The following LPP variants were observed in gnomAD, a reference collection of about 807,000 sequenced individuals.
LPP encodes the protein lipoma-preferred partner.
A neutral mutation model predicts 60.4 loss-of-function variants in LPP; 38 were observed. That is an observed-to-expected ratio of 0.63 (90% CI 0.49 to 0.83). The LOEUF is 0.83. Among genes scored for constraint, LPP ranks in the 40% least tolerant of loss-of-function variants. The pLI is 0.00. For missense variants in LPP, 902 were observed against 783.6 expected (o/e 1.15, Z -1.80); for synonymous variants, 328 against 290.8 (o/e 1.13, Z -1.30).
intron 7 of LPP, among the ~76,000 whole-genome samples, chr3:188,697,502 T>C (rs536165619): frequency 5.3e-5 from 8 of 152,342 alleles, no homozygotes; most frequent in African/African-American, 1.9e-4. Context: ...AGTGTTTTTA[T>C]GCATATCAGA....
At chr3:188,525,824 A>G (rs1272006352) in intron 6 of LPP, among the ~76,000 whole-genome samples, 1 of 152,178 alleles carries the variant, frequency 6.6e-6, no homozygotes, top group Non-Finnish European at 1.5e-5. Flanking sequence ...TGATGGTTGC[A>G]ATTAATCTGT....
intron 9 of LPP, among the ~76,000 whole-genome samples, chr3:188,863,334 C>G (rs373706189): frequency 6.6e-6 from 1 of 152,126 alleles, no homozygotes; most frequent in African/African-American, 2.4e-5. Context: ...CACCTAGCAA[C>G]TTTCCTTTTT....
chr3:188,205,971 T>G (rs1293913238), intron 1 of LPP, among the ~76,000 whole-genome samples: 1 of 152,152 alleles, frequency 6.6e-6, no homozygotes, highest in Non-Finnish European at 1.5e-5. Context: ...TGCTGCTACA[T>G]ATAAAAGTTA....
chr3:188,656,261 G>T (rs1232602797), intron 7 of LPP, among the ~76,000 whole-genome samples: 1 of 151,420 alleles, frequency 6.6e-6, no homozygotes, highest in African/African-American at 2.4e-5. Flanking sequence ...GCGCTCCCAG[G>T]TGCTGCCAGG....
At chr3:188,515,910 C>T (rs543674923) in intron 5 of LPP, among the ~76,000 whole-genome samples, 1 of 145,874 alleles carries the variant, frequency 6.9e-6, no homozygotes, top group African/African-American at 2.4e-5. Flanking sequence ...GGCAAAAGTG[C>T]AAGTGATATT....
chr3:188,775,501 T>G (rs1737456991), intron 9 of LPP, among the ~76,000 whole-genome samples: 1 of 152,204 alleles, frequency 6.6e-6, no homozygotes, highest in Non-Finnish European at 1.5e-5. Flanking sequence ...CTAGATGTCA[T>G]CTCATTTTGA....
intron 8 of LPP, among the ~76,000 whole-genome samples, chr3:188,745,203 A>C (rs1283557136): frequency 6.6e-6 from 1 of 152,044 alleles, no homozygotes; most frequent in African/African-American, 2.4e-5. Context: ...ATAGATGTCC[A>C]TTTGTTCTAG....
At chr3:188,835,735 C>G (rs1758292917) in intron 9 of LPP, among the ~76,000 whole-genome samples, 1 of 152,180 alleles carries the variant, frequency 6.6e-6, no homozygotes, top group South Asian at 2.1e-4. Flanking sequence ...TACGATGTGA[C>G]AAGTCTCTAC....
intron 4 of LPP, among the ~76,000 whole-genome samples, chr3:188,431,328 T>C (rs892444314): frequency 6.6e-6 from 1 of 151,986 alleles, no homozygotes; most frequent in East Asian, 1.9e-4. Context: ...CACCGAGGGA[T>C]TGGAAGGATG....
chr3:188,649,176 G>A (rs1187965778), intron 7 of LPP, among the ~76,000 whole-genome samples: 5 of 152,134 alleles, frequency 3.3e-5, no homozygotes, highest in Non-Finnish European at 7.3e-5. Flanking sequence ...ATAGTGAGAA[G>A]CTAATTAGTT....
At chr3:188,386,522 A>G (rs943766952) in intron 3 of LPP, among the ~76,000 whole-genome samples, 1 of 152,224 alleles carries the variant, frequency 6.6e-6, no homozygotes, top group African/African-American at 2.4e-5. Context: ...GTATGCAGGT[A>G]TATAAACCTC....
chr3:188,562,617 C>T (rs1312064070), intron 6 of LPP, among the ~76,000 whole-genome samples: 1 of 152,010 alleles, frequency 6.6e-6, no homozygotes, highest in Middle Eastern at 3.2e-3. Context: ...CCAGATGGAT[C>T]TTCTCCTTGA....
At chr3:188,534,291 A>G (rs1879799) in intron 6 of LPP, among the ~76,000 whole-genome samples, 151,479 of 152,358 alleles carry the variant, frequency 0.99, 75,307 homozygotes, top group Middle Eastern at 1. Flanking sequence ...CCTTGGCTCC[A>G]AGATGATTAT....
chr3:188,833,960 G>C (rs1485631482), intron 9 of LPP, among the ~76,000 whole-genome samples: 1 of 152,108 alleles, frequency 6.6e-6, no homozygotes, highest in Non-Finnish European at 1.5e-5. Context: ...TACTATTAAA[G>C]CATCCCCATT....
chr3:188,812,794 TC>T (rs1751403928), intron 9 of LPP, among the ~76,000 whole-genome samples: 1 of 147,646 alleles, frequency 6.8e-6, no homozygotes, highest in South Asian at 2.2e-4. Flanking sequence ...TCTCTCTCTC[TC>T]GCTGCAGCTT....
At chr3:188,855,469 G>A (rs935672306) in intron 9 of LPP, among the ~76,000 whole-genome samples, 5 of 152,218 alleles carry the variant, frequency 3.3e-5, no homozygotes, top group Admixed American at 3.3e-4. Flanking sequence ...TAAAGAGACA[G>A]AGTCTGGCTC....
intron 7 of LPP, among the ~76,000 whole-genome samples, chr3:188,673,863 T>A (rs1857437007): frequency 6.8e-6 from 1 of 146,640 alleles, no homozygotes; most frequent in Non-Finnish European, 1.5e-5. Flanking sequence ...AGTCCCTTTC[T>A]TTCTGTCTCT....
chr3:188,507,760 C>T (rs946100458), intron 5 of LPP, among the ~76,000 whole-genome samples: 1 of 152,198 alleles, frequency 6.6e-6, no homozygotes, highest in African/African-American at 2.4e-5. Context: ...AGATCGTTGC[C>T]CCCTGGAAAA....
intron 4 of LPP, among the ~76,000 whole-genome samples, chr3:188,450,760 A>T (rs2149346117): frequency 7.1e-6 from 1 of 140,358 alleles, no homozygotes; most frequent in Admixed American, 7.2e-5. Flanking sequence ...AAAAAAAAAA[A>T]TCTATTTACA....
Sources: allele counts gnomAD v4.1 joint callset (sites outside exome capture counted in the v4.1 genomes callset), GRCh38; gene constraint gnomAD v4.1.1; transcripts MANE v1.5; gene names NCBI Gene and HGNC (gene_info 2026-07-23, HGNC 2026-07-21).